The following SLC25A16 variants were observed in gnomAD, a reference collection of about 807,000 sequenced individuals.
The protein encoded by SLC25A16 is mitochondrial coenzyme A transporter SLC25A16.
In SLC25A16, 39 loss-of-function variants were observed where a neutral mutation model predicts 41.5. The ratio of observed to expected loss-of-function variants is 0.94; its 90% CI spans 0.73 to 1.23. SLC25A16 has a LOEUF of 1.23. Ranked by LOEUF, SLC25A16 falls within the 50% of genes most tolerant of loss-of-function variation. The pLI is 0.00. For synonymous variants in SLC25A16, 146 were observed against 147.8 expected, an observed-to-expected ratio of 0.99 and a Z score of 0.09; for missense variants, 421 against 426.9, an observed-to-expected ratio of 0.99 and a Z score of 0.12.
intron 6 of SLC25A16, among the ~76,000 whole-genome samples, chr10:68,492,019 G>A (rs796294261): frequency 6.6e-6 from 1 of 151,834 alleles, no homozygotes; most frequent in Non-Finnish European, 1.5e-5. Context: ...ATAGAGATGG[G>A]GTTTCATCAT....
intron 6 of SLC25A16, among the ~76,000 whole-genome samples, 176 bp from the exon 7 acceptor site, chr10:68,488,805 T>C (rs571932462): frequency 3.3e-5 from 5 of 152,298 alleles, no homozygotes; most frequent in African/African-American, 1.2e-4. Flanking sequence ...CAATAAAAAA[T>C]TATAGCTTTG....
intron 5 of SLC25A16, 71 bp downstream of exon 5, chr10:68,493,376 TTA>T: frequency 1.5e-6 from 2 of 1,325,320 alleles, no homozygotes; most frequent in Non-Finnish European, 1.1e-6. Flanking sequence ...GAATAATTAC[TTA>T]TATGACATTC....
intron 4 of SLC25A16, among the ~76,000 whole-genome samples, chr10:68,497,150 A>G (rs2052762018): frequency 6.6e-6 from 1 of 152,218 alleles, no homozygotes; most frequent in African/African-American, 2.4e-5. Context: ...TTTGTTCTCA[A>G]AGACAGCTTC....
At chr10:68,518,585 C>A (rs1443784736) in intron 1 of SLC25A16, among the ~76,000 whole-genome samples, 1 of 151,316 alleles carries the variant, frequency 6.6e-6, no homozygotes, top group Admixed American at 6.6e-5. Flanking sequence ...ACCAGCCTGG[C>A]CAACATGGTA....
intron 1 of SLC25A16, among the ~76,000 whole-genome samples, chr10:68,523,407 C>A (rs1448136197): frequency 6.6e-6 from 1 of 152,044 alleles, no homozygotes; most frequent in African/African-American, 2.4e-5. Context: ...ATATTTTGTT[C>A]TCTGATTTAT....
At position 68,483,585 on chromosome 10, in the gene SLC25A16, G is replaced by A. The variant is rs753536129; in HGVS notation, c.846C>T (p.Thr282=). The stretch of plus-strand genomic sequence containing the variant: ...AGACATACTTCATAGTATCCCGCAT[G>A]GTACTGAAAGACAATGATTAAATGA... The part of the protein sequence containing the change: ...TVLPEFEKCL[T]MRDTMKYVYG... The change falls in exon 9 of 9, where the codon ACC becomes ACT. Residue 282 remains threonine, a synonymous_variant. Coordinates refer to ENST00000609923, the MANE Select transcript of SLC25A16 (RefSeq NM_152707.4). The A allele has an allele frequency of 7.6e-6, 12 of 1,586,214 alleles. No homozygotes were observed. Among genetic ancestry groups the A allele is most frequent in the Non-Finnish European group, 1.0e-5 (12 of 1,167,742 alleles).
At chr10:68,487,351 A>G in intron 7 of SLC25A16, 139 bp from the exon 8 acceptor site, 1 of 616,646 alleles carries the variant, frequency 1.6e-6, no homozygotes, top group Non-Finnish European at 2.9e-6. Flanking sequence ...GTCGGGATAT[A>G]GGCATATGAA....
At chr10:68,518,955 G>A (rs1408212539) in intron 1 of SLC25A16, among the ~76,000 whole-genome samples, 1 of 152,098 alleles carries the variant, frequency 6.6e-6, no homozygotes, top group East Asian at 1.9e-4. Context: ...CGCTTTGGGA[G>A]GCCGAGGTGG....
At chr10:68,483,655 A>G (rs1474069786) in intron 8 of SLC25A16, 67 bp from the exon 9 acceptor site, 8 of 1,398,620 alleles carry the variant, frequency 5.7e-6, no homozygotes, top group Non-Finnish European at 7.6e-6. Flanking sequence ...AGGATCCATA[A>G]TATCAATTTT....
chr10:68,525,788 A>C (rs1029678193), intron 1 of SLC25A16, among the ~76,000 whole-genome samples: 5 of 152,052 alleles, frequency 3.3e-5, no homozygotes, highest in African/African-American at 7.2e-5. Context: ...AGATTCTGTT[A>C]ATCTATAACC....
At chr10:68,486,240 A>AAAC (rs2052560511) in intron 8 of SLC25A16, among the ~76,000 whole-genome samples, 7 of 146,738 alleles carry the variant, frequency 4.8e-5, no homozygotes, top group African/African-American at 1.9e-4. Flanking sequence ...ACAAAAAAAA[A>AAAC]AAAAAAACAC....
chr10:68,488,477 G>A lies in SLC25A16; in HGVS notation c.763C>T (p.Gln255Ter). 2 of 1,539,806 alleles carry A rather than the reference G, an allele frequency of 1.3e-6. No homozygotes were observed. Among genetic ancestry groups the A allele is most frequent in the Non-Finnish European group, 8.7e-7 (1 of 1,151,570 alleles). The stretch of plus-strand genomic sequence containing the variant: ...AGTGAAGAAACTTACGATATTGTCT[G>A]CGCTATTGCTCCAGCAACACCACCA... ...LCGGVAGAIAQTISYPFDVTR... is the reference protein window; with the variant it reads ...LCGGVAGAIA The change falls in exon 7 of 9, where the codon CAG becomes TAG. Residue 255 changes from glutamine to a stop codon, truncating the protein, a stop_gained. Coordinates refer to ENST00000609923, the MANE Select transcript of SLC25A16 (RefSeq NM_152707.4). LOFTEE classifies it high-confidence loss of function.
At chr10:68,492,691 A>G (rs1372857566) in intron 6 of SLC25A16, among the ~76,000 whole-genome samples, 1 of 152,106 alleles carries the variant, frequency 6.6e-6, no homozygotes, top group East Asian at 1.9e-4. Flanking sequence ...TCAAAAAACA[A>G]AAAAAAACAG....
At chr10:68,493,703 G>A in intron 4 of SLC25A16, 133 bp from the exon 5 acceptor site, 1 of 694,162 alleles carries the variant, frequency 1.4e-6, no homozygotes, top group Non-Finnish European at 2.5e-6. Context: ...ATTACTGACA[G>A]AATTATACCA....
chr10:68,512,908 G>A (rs190123096), intron 2 of SLC25A16, among the ~76,000 whole-genome samples: 15 of 152,098 alleles, frequency 9.9e-5, no homozygotes, highest in Admixed American at 7.2e-4. Context: ...GCGTGGTGGC[G>A]GGTGCCCGTA....
chr10:68,503,643 C>T lies in SLC25A16; in HGVS notation c.410G>A (p.Gly137Glu), dbSNP rs747285297. The T allele has an allele frequency of 2.5e-6, 4 of 1,597,592 alleles. No homozygotes were observed. Among genetic ancestry groups the T allele is most frequent in the Non-Finnish European group, 2.6e-6 (3 of 1,168,110 alleles). Reference sequence around the variant, plus strand: ...CTAACTCCTCTTACCTGCCATGGATCCAGCCATTAATCTGTGCACATGACC... The same window carrying T: ...CTAACTCCTCTTACCTGCCATGGATTCAGCCATTAATCTGTGCACATGACC... ...ISGHVHRLMA[G>E]SMAGMTAVIC... Residue 137 changes from glycine to glutamate, a missense_variant, in exon 4 of 9, where the codon GGA becomes GAA. Physicochemically the swap from Gly to Glu is moderately conservative, Grantham distance 98. Coordinates refer to ENST00000609923, the MANE Select transcript of SLC25A16 (RefSeq NM_152707.4).
intron 8 of SLC25A16, among the ~76,000 whole-genome samples, chr10:68,485,797 T>C (rs1219742444): frequency 1.4e-5 from 2 of 140,914 alleles, no homozygotes; most frequent in Non-Finnish European, 3.0e-5. Flanking sequence ...TCCTAAGCAA[T>C]ATTTTTTTTT....
chr10:68,504,673 C>A (rs1411230696), intron 3 of SLC25A16, among the ~76,000 whole-genome samples: 1 of 150,994 alleles, frequency 6.6e-6, no homozygotes, highest in African/African-American at 2.4e-5. Flanking sequence ...CCACCGCACC[C>A]GGCCTTGTTT....
intron 1 of SLC25A16, among the ~76,000 whole-genome samples, chr10:68,524,624 G>A (rs148068877): frequency 0.043 from 6,199 of 143,748 alleles, 156 homozygotes; most frequent in South Asian, 0.094. Flanking sequence ...CAGGAGAATC[G>A]CTTGAACCAG....
Sources: allele counts gnomAD v4.1 joint callset (sites outside exome capture counted in the v4.1 genomes callset), GRCh38; gene constraint gnomAD v4.1.1; transcripts MANE v1.5; gene names NCBI Gene and HGNC (gene_info 2026-07-23, HGNC 2026-07-21).